ASIC2: variants seen among roughly 807,000 people sequenced by gnomAD.
The protein encoded by ASIC2 is acid sensing ion channel subunit 2, also known as acid-sensing ion channel 2.
ASIC2 carries 25 observed loss-of-function variants against 57.3 expected under a neutral mutation model. The ratio of observed to expected loss-of-function variants is 0.44; its 90% CI spans 0.32 to 0.61. ASIC2 has a LOEUF of 0.61. Ranked by LOEUF, ASIC2 falls within the 20% of genes least tolerant of loss-of-function variation. The probability of loss-of-function intolerance (pLI) is 0.06; values close to 1 mark genes in which losing one functional copy is unlikely to be tolerated. For missense variants in ASIC2, 641 were observed against 738.1 expected, an observed-to-expected ratio of 0.87 and a Z score of 1.52; for synonymous variants, 319 against 307.5, an observed-to-expected ratio of 1.04 and a Z score of -0.39.
intron 1 of ASIC2, among the ~76,000 whole-genome samples, chr17:33,758,075 T>G (rs2142110040): frequency 6.6e-6 from 1 of 152,320 alleles, no homozygotes; most frequent in South Asian, 2.1e-4. Flanking sequence ...CTGATGAAAC[T>G]CATGACTTGC....
intron 1 of ASIC2, among the ~76,000 whole-genome samples, chr17:33,509,187 A>G (rs1271586693): frequency 2.6e-5 from 4 of 152,190 alleles, no homozygotes; most frequent in East Asian, 1.9e-4. Flanking sequence ...GGACGGAGGG[A>G]GGGCGGGACA....
chr17:33,025,578 C>CACT (rs1246405200), intron 5 of ASIC2, among the ~76,000 whole-genome samples: 8 of 152,064 alleles, frequency 5.3e-5, no homozygotes, highest in Admixed American at 5.2e-4. Flanking sequence ...CCTGGCTGCC[C>CACT]ACTGTCTATC....
chr17:33,710,479 G>A (rs1299955466), intron 1 of ASIC2, among the ~76,000 whole-genome samples: 5 of 152,236 alleles, frequency 3.3e-5, no homozygotes, highest in African/African-American at 1.2e-4. Flanking sequence ...TGCCTAGGTT[G>A]TGGCACCTGT....
At chr17:33,249,353 G>A (rs1033128926) in intron 1 of ASIC2, among the ~76,000 whole-genome samples, 1 of 152,204 alleles carries the variant, frequency 6.6e-6, no homozygotes, top group Admixed American at 6.5e-5. Flanking sequence ...GGTTTGGGAG[G>A]AAAGGCTGGG....
chr17:33,459,256 G>A (rs1912555523), intron 1 of ASIC2, among the ~76,000 whole-genome samples: 1 of 152,044 alleles, frequency 6.6e-6, no homozygotes, highest in African/African-American at 2.4e-5. Context: ...GGGTCGGTCT[G>A]TGCTCTTGCT....
chr17:33,730,994 T>G (rs906697950), intron 1 of ASIC2, among the ~76,000 whole-genome samples: 2 of 152,130 alleles, frequency 1.3e-5, no homozygotes, highest in Admixed American at 6.5e-5. Flanking sequence ...TACAACACTC[T>G]CCTCTCCCTG....
intron 1 of ASIC2, among the ~76,000 whole-genome samples, chr17:33,619,396 A>G (rs1053935384): frequency 6.6e-6 from 1 of 152,176 alleles, no homozygotes; most frequent in Admixed American, 6.5e-5. Flanking sequence ...TAATTAAAAA[A>G]CACAAGGTTT....
intron 2 of ASIC2, among the ~76,000 whole-genome samples, chr17:33,106,508 G>A (rs143823095): frequency 5.5e-4 from 83 of 152,212 alleles, no homozygotes; most frequent in African/African-American, 1.8e-3. Context: ...CCCTGTACAC[G>A]GATTCCGGTT....
At chr17:33,283,379 A>G (rs183438504) in intron 1 of ASIC2, among the ~76,000 whole-genome samples, 3 of 152,292 alleles carry the variant, frequency 2.0e-5, no homozygotes, top group Admixed American at 6.5e-5. Flanking sequence ...TTAGAAATGC[A>G]AATCTCAGGC....
intron 1 of ASIC2, among the ~76,000 whole-genome samples, chr17:33,881,372 A>T (rs1914696123): frequency 6.6e-6 from 1 of 152,204 alleles, no homozygotes; most frequent in Non-Finnish European, 1.5e-5. Flanking sequence ...CCATCGTCTC[A>T]GCCCAAAATC....
intron 1 of ASIC2, among the ~76,000 whole-genome samples, chr17:33,471,461 G>C (rs1289639865): frequency 1.3e-5 from 2 of 152,178 alleles, no homozygotes; most frequent in Non-Finnish European, 2.9e-5. Context: ...GAGGTGAGAT[G>C]CTAGAAATGA....
chr17:33,317,600 G>A (rs1461157682), intron 1 of ASIC2, among the ~76,000 whole-genome samples: 5 of 152,104 alleles, frequency 3.3e-5, no homozygotes, highest in Non-Finnish European at 7.4e-5. Context: ...AAAGTCGACA[G>A]ATGTTTTTCA....
chr17:33,375,333 G>C (rs1399446878), intron 1 of ASIC2, among the ~76,000 whole-genome samples: 1 of 151,728 alleles, frequency 6.6e-6, no homozygotes, highest in African/African-American at 2.4e-5. Flanking sequence ...CGGGCTCTCA[G>C]GCAGGCCGTG....
At chr17:33,600,620 A>T (rs1251447589) in intron 1 of ASIC2, among the ~76,000 whole-genome samples, 1 of 151,978 alleles carries the variant, frequency 6.6e-6, no homozygotes, top group Non-Finnish European at 1.5e-5. Context: ...TGAGGTGGCA[A>T]TTTTTTTTAA....
chr17:33,817,234 T>C (rs1912610512), intron 1 of ASIC2, among the ~76,000 whole-genome samples: 1 of 152,234 alleles, frequency 6.6e-6, no homozygotes, highest in Admixed American at 6.5e-5. Flanking sequence ...GCACTTGGGA[T>C]TTAAACAACC....
At chr17:33,318,964 G>A (rs1906762005) in intron 1 of ASIC2, among the ~76,000 whole-genome samples, 1 of 152,184 alleles carries the variant, frequency 6.6e-6, no homozygotes, top group Non-Finnish European at 1.5e-5. Context: ...AAGTCTGTGG[G>A]AAGGACTAAA....
chr17:33,564,759 G>A (rs1163125576), intron 1 of ASIC2, among the ~76,000 whole-genome samples: 7 of 152,160 alleles, frequency 4.6e-5, no homozygotes, highest in Admixed American at 1.3e-4. Context: ...TAACGCCCAC[G>A]CTGGAAGGTT....
chr17:33,089,647 A>T (rs2092149838), intron 2 of ASIC2, among the ~76,000 whole-genome samples: 1 of 152,194 alleles, frequency 6.6e-6, no homozygotes, highest in African/African-American at 2.4e-5. Context: ...CATAAGTCAA[A>T]CTCCTTTATT....
chr17:33,321,127 G>A (rs941484060), intron 1 of ASIC2, among the ~76,000 whole-genome samples: 5 of 152,178 alleles, frequency 3.3e-5, no homozygotes, highest in Admixed American at 3.3e-4. Context: ...GTAGCCACAT[G>A]TTTCACTTTA....
Sources: gnomAD v4.1 joint callset for allele counts (sites outside exome capture counted in the v4.1 genomes callset) on GRCh38, gnomAD v4.1.1 for gene constraint, MANE v1.5 for transcripts, NCBI Gene and HGNC (gene_info 2026-07-23, HGNC 2026-07-21) for gene names.